Variants in DNAH1 observed in about 807,000 individuals in gnomAD.
DNAH1 encodes axonemal beta dynein heavy chain 1.
In DNAH1, 327 loss-of-function variants were observed where a neutral mutation model predicts 484.3. The observed-to-expected ratio is 0.68, with a 90% CI of 0.62 to 0.74. DNAH1 has a LOEUF of 0.74. Ranked by LOEUF, DNAH1 falls within the 30% of genes least tolerant of loss-of-function variation. The pLI is 0.00. For missense variants in DNAH1, 5,052 were observed against 5,546.8 expected (o/e 0.91, Z 2.83); for synonymous variants, 2,192 against 2,191.9 (o/e 1.00, Z 0.00).
In DNAH1 at chr3:52,386,351, C is replaced by T; in HGVS notation, c.8811+6C>T. On this transcript the variant is annotated splice_donor_region_variant and intron_variant, in intron 55 of 77. Transcript: ENST00000420323. ...ACAAGAACGATGTGACCGAGGTGGG[C>T]AGCAGGGCATCTCCTGGCATTCCCT... is the stretch of plus-strand genomic sequence containing the variant. 1 of 1,558,458 alleles carries T rather than the reference C, an allele frequency of 6.4e-7. No homozygotes were observed. Among genetic ancestry groups the T allele is most frequent in the Non-Finnish European group, 8.7e-7 (1 of 1,151,190 alleles).
Position 52,375,425 on chromosome 3 carries a change from TGGG to T in DNAH1, c.7159+15_7159+17del. 2 of 1,609,666 alleles carry T rather than the reference TGGG, an allele frequency of 1.2e-6. No individual in the cohort carries two copies. Among genetic ancestry groups the T allele is most frequent in the Non-Finnish European group, 1.7e-6 (2 of 1,178,602 alleles). ...GGGCAACTGGTTGGGTGAGTATTGGTGGGGGTGAGCATGGACAAAGGCAGAAGC... is the reference window on the plus strand; with the variant it reads ...GGGCAACTGGTTGGGTGAGTATTGGTGGTGAGCATGGACAAAGGCAGAAGC... On this transcript the variant is annotated intron_variant, in intron 45 of 77. Transcript: ENST00000420323.
In DNAH1 at chr3:52,399,605, G is replaced by A; in HGVS notation, c.12502G>A (p.Gly4168Arg). 6.2e-7 allele frequency: 1 copy of A among 1,613,994 alleles called. No individual in the cohort carries two copies. Residue 4168 changes from glycine (G) to arginine (R), a missense_variant, in exon 77 of 78, where the codon GGA becomes AGA. Transcript: ENST00000420323. The stretch of plus-strand genomic sequence containing the variant: ...ACCCCAAGTAGGGTGCTATATCCAT[G>A]GATTATTCCTGGAAGGTGCCCGCTG... ...QRPQVGCYIHGLFLEGARWDP... is the reference protein window; with the variant it reads ...QRPQVGCYIHRLFLEGARWDP...
In DNAH1 at chr3:52,398,979, G is replaced by C. The variant is rs767037046; in HGVS notation, c.12219G>C (p.Glu4073Asp). 1 of 1,613,870 alleles carries C rather than the reference G, an allele frequency of 6.2e-7. No homozygotes were observed. Among genetic ancestry groups the C allele is most frequent in the African/African-American group, 1.3e-5 (1 of 74,942 alleles). The change falls in exon 76 of 78, where the codon GAG (glutamate) becomes GAC (aspartate). Residue 4073 changes from glutamate (E) to aspartate (D), a missense_variant. By Grantham distance (45) the Glu-to-Asp change is conservative. Around this residue, in one of 4 missense-constraint regions of DNAH1, gnomAD observed 853 missense variants for 899.0 expected, o/e 0.95. Coordinates refer to ENST00000420323, the MANE Select transcript of DNAH1 (RefSeq NM_015512.5). ...GCCTGTACAACAATACTGTGCCTGA[G>C]CTCTGGAGTGCCAAGGCCTACCCAT... ...AASLYNNTVP[E>D]LWSAKAYPSL...
At chr3:52,319,695 G>A (rs891387432) in intron 1 of DNAH1, among the ~76,000 whole-genome samples, 3 of 152,214 alleles carry the variant, frequency 2.0e-5, no homozygotes, top group Non-Finnish European at 4.4e-5. Flanking sequence ...CCATGAGGCC[G>A]CGGCAGGAGG....
chr3:52,342,793 C>T lies in DNAH1; in HGVS notation c.1287-1697C>T, dbSNP rs142588556. Among the ~76,000 whole-genome samples the T allele has an allele frequency of 3.9e-3, 595 of 152,320 alleles. 5 individuals carry two copies. Among genetic ancestry groups the T allele is most frequent in the South Asian group, 0.023 (112 of 4,828 alleles). On this transcript the variant is annotated intron_variant, in intron 8 of 77. Coordinates refer to ENST00000420323, the MANE Select transcript of DNAH1 (RefSeq NM_015512.5). ...GGATGGAGAGAAATGAAGAGCTTGC[C>T]TTCTGACATGCTGGTTCTGACACGT...
rs764810869 is a variant in DNAH1 at position 52,381,622 on chromosome 3, C to T, written c.7609-18C>T. On this transcript the variant is annotated intron_variant, in intron 48 of 77. Transcript: ENST00000420323. This position sits in a 1 kb window ranked among gnomAD's most constrained non-coding sequence, Gnocchi z 4.1. Reference sequence around the variant, plus strand: ...GTAAGAGAGACCCCGCCTTCCCCATCCTCGCCTTGGTGCACAGATGATGCA... The same window carrying T: ...GTAAGAGAGACCCCGCCTTCCCCATTCTCGCCTTGGTGCACAGATGATGCA... The T allele has an allele frequency of 5.7e-6, 9 of 1,585,574 alleles. No individual in the cohort carries two copies. The African/African-American group carries it at 1.1e-4, about 19-fold the overall frequency.
chr3:52,392,814 C>A lies in DNAH1; in HGVS notation c.10279-16C>A. ...TTCTGCTCTTTGACCCCTCCCCCCA[C>A]CCACTACACCCACAGGCCAAAGTCA... On this transcript the variant is annotated splice_polypyrimidine_tract_variant and intron_variant, in intron 64 of 77. Transcript: ENST00000420323. 1.5e-6 allele frequency: 1 copy of A among 661,688 alleles called. No individual in the cohort carries two copies. Among genetic ancestry groups the A allele is most frequent in the Non-Finnish European group, 2.6e-6 (1 of 379,072 alleles). The allele number at this position is 661,688 out of a possible 1,614,324, so 41.0% of individuals were successfully genotyped here. A position where few individuals can be genotyped will look rare whatever the true frequency, so the allele number is the denominator to read the frequency against.
At chr3:52,346,137 C>T (rs1702132054) in intron 10 of DNAH1, among the ~76,000 whole-genome samples, 1 of 152,172 alleles carries the variant, frequency 6.6e-6, no homozygotes, top group African/African-American at 2.4e-5. Context: ...CCCTCTCAGC[C>T]CATTTTTGTC....
rs1472689059 is a variant in DNAH1, at chr3:52,332,361, C to T, written c.1253C>T (p.Ala418Val). The change falls in exon 8 of 78, where the codon GCC (alanine) becomes GTC (valine). Residue 418 changes from alanine (A) to valine (V), a missense_variant. Physicochemically the swap from Ala to Val is moderately conservative, Grantham distance 64. Around this residue, in one of 4 missense-constraint regions of DNAH1, gnomAD observed 1,263 missense variants for 1,218.8 expected, o/e 1.04. Transcript: ENST00000420323. ...EQSLSKIKQW[A>V]LSTPRMRKGP... ...AGCCTGAGCAAGATCAAGCAGTGGG[C>T]CCTGAGCACGCCTCGGATGCGCAAA... The T allele has an allele frequency of 6.2e-7, 1 of 1,613,880 alleles. No individual in the cohort carries two copies. Among genetic ancestry groups the T allele is most frequent in the Non-Finnish European group, 8.5e-7 (1 of 1,179,906 alleles).
At chr3:52,312,215 C>G (rs1159611176), upstream of DNAH1, among the ~76,000 whole-genome samples, 1 of 152,220 alleles carries the variant, frequency 6.6e-6, no homozygotes, top group Non-Finnish European at 1.5e-5. Flanking sequence ...CACCTGAAAA[C>G]TGGGAGCATC....
intron 10 of DNAH1, 86 bp downstream of exon 10, chr3:52,345,792 C>T (rs1702119110): frequency 7.2e-7 from 1 of 1,382,124 alleles, no homozygotes; most frequent in South Asian, 1.3e-5. Context: ...AGCGGAAGGC[C>T]AGGGTCAGTG....
rs1022698992 is a variant in DNAH1 at position 52,349,439 on chromosome 3, C to T, written c.2526+19C>T. ...GGATAGCGTAAGTGCCCACCTGCCCCGCCTCAGTGACCACAGCAGCACACA... is the reference window on the plus strand; with the variant it reads ...GGATAGCGTAAGTGCCCACCTGCCCTGCCTCAGTGACCACAGCAGCACACA... On this transcript the variant is annotated intron_variant, in intron 14 of 77. Coordinates refer to ENST00000420323, the MANE Select transcript of DNAH1 (RefSeq NM_015512.5). 5.0e-6 allele frequency: 8 copies of T among 1,607,208 alleles called. No individual in the cohort carries two copies. The highest frequency in any genetic ancestry group is 2.7e-5 in the African/African-American group (2 of 74,790).
chr3:52,392,417 C>T lies in DNAH1; in HGVS notation c.10053-47C>T, dbSNP rs368235659. The T allele has an allele frequency of 7.8e-4, 1,224 of 1,577,062 alleles. 1 individual carries two copies. The highest frequency in any genetic ancestry group is 9.1e-4 in the Non-Finnish European group (1,050 of 1,151,392). On this transcript the variant is annotated intron_variant, in intron 63 of 77. Coordinates refer to ENST00000420323, the MANE Select transcript of DNAH1 (RefSeq NM_015512.5). ...GTGACCAGGTTCACGACTAGCCCTC[C>T]GGGGCCCACCAGGTATTACAGACTT...
At position 52,394,906 on chromosome 3, in the gene DNAH1, C is replaced by T; in HGVS notation, c.10824-9C>T. On this transcript the variant is annotated splice_polypyrimidine_tract_variant and intron_variant, in intron 67 of 77. Transcript: ENST00000420323. ...CTGGCTCTCAGGGAGGTGTGGGCCA[C>T]TGTTGCAGGGAGCCTTTGCCTGGCA... The T allele has an allele frequency of 6.2e-7, 1 of 1,612,954 alleles. No individual in the cohort carries two copies. The highest frequency in any genetic ancestry group is 8.5e-7 in the Non-Finnish European group (1 of 1,179,446).
At chr3:52,367,299 G>C (rs1703127671) in intron 36 of DNAH1, among the ~76,000 whole-genome samples, 1 of 152,106 alleles carries the variant, frequency 6.6e-6, no homozygotes, top group African/African-American at 2.4e-5. Flanking sequence ...GGCACCTCAG[G>C]GGCTTTTCTC....
In DNAH1 at chr3:52,386,773, G is replaced by A. The variant is rs1704130883; in HGVS notation, c.8923G>A (p.Val2975Met). 2.5e-6 allele frequency: 4 copies of A among 1,589,944 alleles called. No individual in the cohort carries two copies. Among genetic ancestry groups the A allele is most frequent in the Non-Finnish European group, 3.4e-6 (4 of 1,168,596 alleles). ...GCCTGGAGAAAAGCCAGGCACCAAG[G>A]TGGATGACTACTGGGAGCCTGGCAA... Reference protein sequence around the residue: ...KVPGEKPGTKVDDYWEPGKGL... With the variant: ...KVPGEKPGTKMDDYWEPGKGL... Residue 2975 changes from valine to methionine, a missense_variant, in exon 56 of 78, where the codon GTG (valine) becomes ATG (methionine). Coordinates refer to ENST00000420323, the MANE Select transcript of DNAH1 (RefSeq NM_015512.5).
chr3:52,388,867 A>T lies in DNAH1; in HGVS notation c.9425A>T (p.Tyr3142Phe). The T allele has an allele frequency of 6.2e-7, 1 of 1,613,804 alleles. No individual in the cohort carries two copies. The highest frequency in any genetic ancestry group is 1.1e-5 in the South Asian group (1 of 91,072). Residue 3142 changes from tyrosine to phenylalanine, a missense_variant, in exon 59 of 78, where the codon TAC (tyrosine) becomes TTC (phenylalanine). Tyr to Phe is a conservative substitution (Grantham distance 22, BLOSUM62 3). This residue lies in a region of DNAH1 where 2,929 missense variants were observed against 3,409.4 expected (regional missense o/e 0.86). Transcript: ENST00000420323. ...RWQETVENLQ[Y>F]MLNNISGDVL... Reference sequence around the variant, plus strand: ...CAGGAGACGGTGGAGAACCTGCAGTACATGCTCAACAACATCTCCGGCGAT... The same window carrying T: ...CAGGAGACGGTGGAGAACCTGCAGTTCATGCTCAACAACATCTCCGGCGAT...
intron 44 of DNAH1, chr3:52,374,262 T>G (rs944515401): frequency 7.3e-6 from 11 of 1,504,794 alleles, no homozygotes; most frequent in Non-Finnish European, 9.2e-6. Context: ...ATTAATGGAT[T>G]TGCCTTACCA....
chr3:52,325,683 A>G (rs1248828520), intron 3 of DNAH1, among the ~76,000 whole-genome samples: 1 of 152,182 alleles, frequency 6.6e-6, no homozygotes, highest in African/African-American at 2.4e-5. Flanking sequence ...AGCCACCCAC[A>G]GTATCCAGGA....
Sources: gnomAD v4.1 joint callset for allele counts (sites outside exome capture counted in the v4.1 genomes callset) on GRCh38, gnomAD v4.1.1 for gene constraint, gnomAD v4.1.1 regional missense constraint, Gnocchi (gnomAD v3.1) non-coding constraint, MANE v1.5 for transcripts, NCBI Gene and HGNC (gene_info 2026-07-23, HGNC 2026-07-21) for gene names.